ENPP1: variants seen among roughly 807,000 people sequenced by gnomAD.
ENPP1 encodes ectonucleotide pyrophosphatase/phosphodiesterase family member 1.
In ENPP1, 73 loss-of-function variants were observed where a neutral mutation model predicts 122.8. The ratio of observed to expected loss-of-function variants is 0.59; its 90% confidence interval spans 0.49 to 0.72. ENPP1 has a LOEUF of 0.72. Ranked by LOEUF, ENPP1 falls within the 30% of genes least tolerant of loss-of-function variation. ENPP1 has a pLI of 0.00. For synonymous variants in ENPP1, 367 were observed against 391.6 expected (o/e 0.94, Z 0.74); for missense variants, 978 against 1,128.1 (o/e 0.87, Z 1.91).
At chr6:131,873,080 T>TA (rs1357954649) in intron 15 of ENPP1, 30 bp downstream of exon 15, 6 of 1,612,850 alleles carry the variant, frequency 3.7e-6, no homozygotes, top group Non-Finnish European at 5.1e-6. Context: ...CAGGTAAACT[T>TA]AGTCTGATCG....
intron 1 of ENPP1, among the ~76,000 whole-genome samples, chr6:131,841,268 A>G (rs1781735811): frequency 2.0e-5 from 3 of 152,194 alleles, no homozygotes; most frequent in Admixed American, 1.3e-4. Context: ...TCGAATCCCC[A>G]TCCTCCAGCA....
chr6:131,872,927 G>A lies in ENPP1; in HGVS notation c.1442G>A (p.Arg481Gln), dbSNP rs777443565. ...CTTTGCTGTTTGCAATTTCAGTGCC[G>A]GGAACCAAACCAGCACTTCAAACCT... Reference protein sequence around the residue: ...YEGIARNLSCREPNQHFKPYL... With the variant: ...YEGIARNLSCQEPNQHFKPYL... The change falls in exon 15 of 25, where the codon CGG becomes CAG. Residue 481 changes from arginine (R) to glutamine (Q), a missense_variant. Coordinates refer to ENST00000647893, the MANE Select transcript of ENPP1 (RefSeq NM_006208.3). The A allele has an allele frequency of 7.4e-6, 12 of 1,613,524 alleles. No individual in the cohort carries two copies. The highest frequency in any genetic ancestry group is 1.1e-5 in the South Asian group (1 of 91,048).
chr6:131,889,180 T>G (rs1432858391), intron 24 of ENPP1, among the ~76,000 whole-genome samples: 1 of 152,244 alleles, frequency 6.6e-6, no homozygotes, highest in Non-Finnish European at 1.5e-5. Flanking sequence ...ATAACTTTCC[T>G]TAGTTTACCT....
Position 131,891,242 on chromosome 6 carries a change from G to A in ENPP1, c.*731G>A, listed in dbSNP as rs1585849547. The A allele has an allele frequency of 2.0e-5, 3 of 152,114 alleles. No homozygotes were observed. Among genetic ancestry groups the A allele is most frequent in the Non-Finnish European group, 4.4e-5 (3 of 68,046 alleles). 9.4% of individuals were successfully genotyped at this position (152,114 alleles called of 1,614,324 possible). ...GAAAAATATTCCTATCCTGCTCACT[G>A]GTAATTAACATAGGTTTAAAATGGC... is the stretch of plus-strand genomic sequence containing the variant. On this transcript the variant is annotated 3_prime_UTR_variant, in exon 25 of 25. Transcript: ENST00000647893.
intron 2 of ENPP1, among the ~76,000 whole-genome samples, chr6:131,848,182 G>C (rs973357907): frequency 6.6e-6 from 1 of 152,060 alleles, no homozygotes; most frequent in South Asian, 2.1e-4. Context: ...AGGTTACTAG[G>C]TGACAGTTAC....
chr6:131,851,273 G>C lies in ENPP1; in HGVS notation c.556+6G>C, dbSNP rs554050961. 4.3e-6 allele frequency: 7 copies of C among 1,614,060 alleles called. No individual in the cohort carries two copies. In the South Asian group the frequency reaches 5.5e-5, roughly 13 times the overall value. On this transcript the variant is annotated splice_donor_region_variant and intron_variant, in intron 4 of 24. Coordinates refer to ENST00000647893, the MANE Select transcript of ENPP1 (RefSeq NM_006208.3). ...CTACAGTTCTGTGTGTCAAGGTCAG[G>C]TGCTCGTTGGGCTCTGCAGCAGCCT...
chr6:131,841,266 C>T (rs1781735718), intron 1 of ENPP1, among the ~76,000 whole-genome samples: 1 of 152,128 alleles, frequency 6.6e-6, no homozygotes, highest in Non-Finnish European at 1.5e-5. Flanking sequence ...GATCGAATCC[C>T]CATCCTCCAG....
At chr6:131,817,313 T>G (rs1236599132) in intron 1 of ENPP1, among the ~76,000 whole-genome samples, 4 of 152,186 alleles carry the variant, frequency 2.6e-5, no homozygotes, top group African/African-American at 9.6e-5. Flanking sequence ...TATAACAATG[T>G]GTAATTAGAA....
intron 1 of ENPP1, among the ~76,000 whole-genome samples, chr6:131,812,874 C>T (rs567866940): frequency 3.3e-5 from 5 of 152,296 alleles, no homozygotes; most frequent in Admixed American, 2.0e-4. Context: ...CAGTCTTGCT[C>T]TGTTGCCCAG....
intron 15 of ENPP1, 90 bp downstream of exon 15, chr6:131,873,140 T>G (rs543705633): frequency 7.3e-7 from 1 of 1,372,430 alleles, no homozygotes. Flanking sequence ...TATTGTTATG[T>G]GAAAACTGTA....
chr6:131,872,126 CTA>C (rs1028753165), intron 14 of ENPP1, 25 bp downstream of exon 14: 10 of 1,509,420 alleles, frequency 6.6e-6, no homozygotes, highest in Non-Finnish European at 9.2e-6. Context: ...TTTCCATTAT[CTA>C]GTTATTTTTA....
rs765302921 is a variant in ENPP1 at position 131,878,613 on chromosome 6, C to G, written c.1945+20C>G. On this transcript the variant is annotated intron_variant, in intron 19 of 24. Transcript: ENST00000647893. ...CAGAAGGTAAGGCATGCTACACACT[C>G]AAGCTCGGAATGTGAAGCAGGCATT... 6.3e-6 allele frequency: 10 copies of G among 1,595,762 alleles called. No homozygotes were observed. The African/African-American group carries it at 9.4e-5, about 15-fold the overall frequency.
At chr6:131,868,759 A>G (rs1438250655) in intron 12 of ENPP1, among the ~76,000 whole-genome samples, 1 of 152,246 alleles carries the variant, frequency 6.6e-6, no homozygotes, top group Non-Finnish European at 1.5e-5. Flanking sequence ...CTTTAGCTTG[A>G]TAAATCTGAC....
intron 18 of ENPP1, 49 bp from the exon 19 acceptor site, chr6:131,878,493 T>C (rs1347813956): frequency 8.3e-7 from 1 of 1,202,338 alleles, no homozygotes; most frequent in East Asian, 2.4e-5. Flanking sequence ...GTTACAAAAT[T>C]TAAAACATGT....
Position 131,858,679 on chromosome 6 carries a change from A to C in ENPP1, c.727A>C (p.Thr243Pro). ...PVISKLKKCG[T>P]YTKNMRPVYP... is the part of the protein sequence containing the mutation. ...TTTTTCCCTTCTAGAAAAATGTGGAACATATACTAAAAACATGAGACCGGT... is the reference window on the plus strand; with the variant it reads ...TTTTTCCCTTCTAGAAAAATGTGGACCATATACTAAAAACATGAGACCGGT... Residue 243 changes from threonine (T) to proline (P), a missense_variant, in exon 7 of 25, where the codon ACA becomes CCA. Around this residue, in one of 3 missense-constraint regions of ENPP1, gnomAD observed 330 missense variants for 328.5 expected, o/e 1.00. Coordinates refer to ENST00000647893, the MANE Select transcript of ENPP1 (RefSeq NM_006208.3). The C allele has an allele frequency of 6.2e-7, 1 of 1,604,918 alleles. No individual in the cohort carries two copies. Among genetic ancestry groups the C allele is most frequent in the Non-Finnish European group, 8.5e-7 (1 of 1,171,858 alleles).
chr6:131,844,473 A>G (rs1781780677), intron 1 of ENPP1, among the ~76,000 whole-genome samples: 1 of 149,900 alleles, frequency 6.7e-6, no homozygotes. Flanking sequence ...TAGTCAGTTC[A>G]TGCACAGACA....
chr6:131,847,063 C>A (rs1160104802), intron 1 of ENPP1, among the ~76,000 whole-genome samples: 1 of 152,190 alleles, frequency 6.6e-6, no homozygotes, highest in Non-Finnish European at 1.5e-5. Context: ...AATCACACAA[C>A]TAGTTTGTGG....
chr6:131,825,900 A>T, intron 1 of ENPP1: 1 of 323,312 alleles, frequency 3.1e-6, no homozygotes, highest in Non-Finnish European at 5.7e-6. Context: ...ATCTTTATTA[A>T]CTTAGAAAAT....
chr6:131,812,294 T>C (rs932949413), intron 1 of ENPP1, among the ~76,000 whole-genome samples: 2 of 152,230 alleles, frequency 1.3e-5, no homozygotes, highest in Admixed American at 1.3e-4. Flanking sequence ...CAAATGAATA[T>C]TTTAATCCAC....
Sources: allele counts gnomAD v4.1 joint callset (sites outside exome capture counted in the v4.1 genomes callset), GRCh38; gene constraint gnomAD v4.1.1; regional missense constraint gnomAD v4.1.1; transcripts MANE v1.5; gene names NCBI Gene and HGNC (gene_info 2026-07-23, HGNC 2026-07-21).